ROPN1L: variants seen among roughly 807,000 people sequenced by gnomAD.
ROPN1L encodes ropporin-1-like protein.
Under a neutral mutation model 22.7 loss-of-function variants are expected in ROPN1L, and 23 were observed. The observed-to-expected ratio is 1.01, with a 90% CI of 0.73 to 1.43. The LOEUF is 1.43. ROPN1L is among the 40% of genes most tolerant of loss of function. The pLI is 0.00. For missense variants in ROPN1L, 271 were observed against 291.5 expected (o/e 0.93, Z 0.51); for synonymous variants, 116 against 117.8 (o/e 0.98, Z 0.10).
intron 3 of ROPN1L, among the ~76,000 whole-genome samples, chr5:10,460,825 C>T (rs1405270061): frequency 2.0e-5 from 3 of 152,234 alleles, no homozygotes; most frequent in Non-Finnish European, 4.4e-5. Flanking sequence ...CCCCTGGGCA[C>T]GTCCCCGGGT....
chr5:10,477,430 T>G, the ROPN1L span, among the ~76,000 whole-genome samples: 2 of 152,158 alleles, frequency 1.3e-5, no homozygotes, highest in African/African-American at 4.8e-5. Flanking sequence ...AAAGCGGTCC[T>G]ACTACAGGTG....
intron 2 of ROPN1L, 132 bp from the exon 3 acceptor site, chr5:10,449,820 C>CGGGG (rs1741195126): frequency 3.0e-6 from 2 of 677,342 alleles, no homozygotes; most frequent in East Asian, 5.9e-5. Context: ...ACAGAACCCC[C>CGGGG]TGTCATGCAT....
intron 2 of ROPN1L, among the ~76,000 whole-genome samples, chr5:10,449,238 G>T (rs1741176444): frequency 6.6e-6 from 1 of 152,234 alleles, no homozygotes. Context: ...TAGAAGGAAG[G>T]CCGGGCATGG....
chr5:10,446,196 A>G (rs2126429578), intron 1 of ROPN1L, among the ~76,000 whole-genome samples: 1 of 152,328 alleles, frequency 6.6e-6, no homozygotes, highest in East Asian at 1.9e-4. Context: ...GGCAGAGGCT[A>G]ACATTAGTTG....
chr5:10,457,519 G>A (rs1215343942), intron 3 of ROPN1L, among the ~76,000 whole-genome samples: 1 of 152,242 alleles, frequency 6.6e-6, no homozygotes, highest in Non-Finnish European at 1.5e-5. Context: ...TTGGGTGATT[G>A]CTGAGCCCCT....
downstream of ROPN1L, among the ~76,000 whole-genome samples, chr5:10,476,633 G>A (rs1309434567): frequency 6.6e-6 from 1 of 152,204 alleles, no homozygotes; most frequent in Non-Finnish European, 1.5e-5. Flanking sequence ...GTTTCAAGTG[G>A]AAAGAAGGCT....
At chr5:10,450,835 A>G (rs962798975) in intron 3 of ROPN1L, among the ~76,000 whole-genome samples, 6 of 152,196 alleles carry the variant, frequency 3.9e-5, no homozygotes, top group African/African-American at 1.4e-4. Flanking sequence ...TAATAGATAC[A>G]GTGAGATTTT....
At chr5:10,469,243 G>A (rs538523736), downstream of ROPN1L, among the ~76,000 whole-genome samples, 40 of 152,070 alleles carry the variant, frequency 2.6e-4, no homozygotes, top group African/African-American at 8.9e-4. Context: ...TGGAGGCCAA[G>A]GTGGGAGGAT....
intron 1 of ROPN1L, among the ~76,000 whole-genome samples, chr5:10,447,984 C>T (rs1355625961): frequency 2.6e-5 from 4 of 152,170 alleles, no homozygotes; most frequent in African/African-American, 4.8e-5. Context: ...GGAGCTTCTG[C>T]GAGTGCCAGC....
At chr5:10,453,792 A>G (rs1407144975) in intron 3 of ROPN1L, among the ~76,000 whole-genome samples, 1 of 152,176 alleles carries the variant, frequency 6.6e-6, no homozygotes, top group Non-Finnish European at 1.5e-5. Flanking sequence ...CAATTTCTGA[A>G]TCATACATAC....
chr5:10,463,220 A>G (rs1226613404), intron 4 of ROPN1L, among the ~76,000 whole-genome samples: 2 of 152,208 alleles, frequency 1.3e-5, no homozygotes, highest in Non-Finnish European at 2.9e-5. Flanking sequence ...GATCACCTGT[A>G]ACATTTTTAA....
downstream of ROPN1L, among the ~76,000 whole-genome samples, chr5:10,467,448 T>G (rs1735173671): frequency 6.6e-6 from 1 of 152,116 alleles, no homozygotes; most frequent in Non-Finnish European, 1.5e-5. Flanking sequence ...CAGTCTGTGG[T>G]CTGTGCCTTT....
At chr5:10,480,673 G>A in the ROPN1L span, among the ~76,000 whole-genome samples, 12 of 151,996 alleles carry the variant, frequency 7.9e-5, no homozygotes, top group Middle Eastern at 6.8e-3. Flanking sequence ...CCAAGGACCC[G>A]CAGCATCAGC....
intron 3 of ROPN1L, among the ~76,000 whole-genome samples, chr5:10,452,041 C>T (rs1221833459): frequency 1.3e-5 from 2 of 152,008 alleles, no homozygotes; most frequent in Non-Finnish European, 2.9e-5. Flanking sequence ...GGTTGGAGTG[C>T]AATGGTGTGA....
downstream of ROPN1L, among the ~76,000 whole-genome samples, chr5:10,465,718 G>C (rs1027452923): frequency 6.6e-6 from 1 of 151,488 alleles, no homozygotes; most frequent in South Asian, 2.1e-4. Context: ...CAGGCGTGGC[G>C]GTGGGCACCT....
chr5:10,472,160 A>G (rs1287480721), downstream of ROPN1L: 4 of 152,250 alleles, frequency 2.6e-5, no homozygotes, highest in Non-Finnish European at 5.9e-5. Flanking sequence ...GTCTCATTGT[A>G]TAACTTTTTT....
intron 3 of ROPN1L, among the ~76,000 whole-genome samples, chr5:10,456,870 G>A (rs1459405425): frequency 5.9e-5 from 9 of 152,076 alleles, no homozygotes; most frequent in South Asian, 4.1e-4. Flanking sequence ...TTGGAACGGC[G>A]CGTTACACAG....
At chr5:10,451,959 C>CTATCTATCTATCTATT (rs1243236066) in intron 3 of ROPN1L, among the ~76,000 whole-genome samples, 1 of 151,996 alleles carries the variant, frequency 6.6e-6, no homozygotes, top group Non-Finnish European at 1.5e-5. Context: ...ATCTGTCTAT[C>CTATCTATCTATCTATT]TATCTAATCT....
At chr5:10,458,650 A>G (rs1316949754) in intron 3 of ROPN1L, among the ~76,000 whole-genome samples, 2 of 29,498 alleles carry the variant, frequency 6.8e-5, no homozygotes, top group Non-Finnish European at 6.1e-5. Context: ...CGTCCCCACC[A>G]TGTACACCAT....
Sources: allele counts gnomAD v4.1 joint callset (sites outside exome capture counted in the v4.1 genomes callset), GRCh38; gene constraint gnomAD v4.1.1; transcripts MANE v1.5; gene names NCBI Gene and HGNC (gene_info 2026-07-23, HGNC 2026-07-21).